The following EIPR1 variants were observed in gnomAD, a reference collection of about 807,000 sequenced individuals.
The protein encoded by EIPR1 is EARP and GARP complex-interacting protein 1.
In EIPR1, 25 loss-of-function variants were observed where a neutral mutation model predicts 48.1. That is an observed-to-expected ratio of 0.52 (90% CI 0.38 to 0.73). The LOEUF is 0.73. Among genes scored for constraint, EIPR1 ranks in the 30% least tolerant of loss-of-function variants. EIPR1 has a pLI of 0.00. For synonymous variants in EIPR1, 204 were observed against 201.9 expected (o/e 1.01, Z -0.09); for missense variants, 415 against 506.2 (o/e 0.82, Z 1.73).
At chr2:3,350,945 C>CAA (rs11344032) in intron 2 of EIPR1, among the ~76,000 whole-genome samples, 10,506 of 121,982 alleles carry the variant, frequency 0.086, 645 homozygotes, top group Admixed American at 0.21. Context: ...TACTTCGTTC[C>CAA]AAAAAAAAAA....
At chr2:3,377,023 A>G (rs1659906025) in intron 1 of EIPR1, among the ~76,000 whole-genome samples, 1 of 152,188 alleles carries the variant, frequency 6.6e-6, no homozygotes, top group Non-Finnish European at 1.5e-5. Flanking sequence ...CATTCGGTTC[A>G]TAGTCATTTG....
At chr2:3,240,727 C>G (rs191768985) in intron 4 of EIPR1, among the ~76,000 whole-genome samples, 47 of 139,428 alleles carry the variant, frequency 3.4e-4, no homozygotes, top group South Asian at 4.7e-4. Context: ...AAAGCAAAGC[C>G]AGCAGATCCC....
At chr2:3,252,865 T>A (rs1667044062) in intron 4 of EIPR1, among the ~76,000 whole-genome samples, 1 of 152,128 alleles carries the variant, frequency 6.6e-6, no homozygotes, top group South Asian at 2.1e-4. Context: ...GCAAATATAG[T>A]AAGGGACACA....
At chr2:3,217,939 T>A (rs975477779) in intron 4 of EIPR1, among the ~76,000 whole-genome samples, 25 of 152,180 alleles carry the variant, frequency 1.6e-4, no homozygotes, top group Admixed American at 1.3e-4. Context: ...TCATAAGCTA[T>A]GCTAAATACA....
intron 1 of EIPR1, among the ~76,000 whole-genome samples, chr2:3,372,301 C>G (rs1010674449): frequency 1.3e-5 from 2 of 150,986 alleles, no homozygotes; most frequent in Non-Finnish European, 2.9e-5. Context: ...AAATTGACAC[C>G]TAACATCACA....
At chr2:3,239,931 G>C (rs1169661273) in intron 4 of EIPR1, among the ~76,000 whole-genome samples, 1 of 152,178 alleles carries the variant, frequency 6.6e-6, no homozygotes, top group East Asian at 1.9e-4. Flanking sequence ...TGTGAAACTA[G>C]AACACTGGGC....
intron 4 of EIPR1, among the ~76,000 whole-genome samples, chr2:3,241,175 C>T (rs62119042): frequency 0.91 from 138,340 of 151,302 alleles, 63,733 homozygotes; most frequent in East Asian, 0.98. Context: ...TCAAGAACAG[C>T]GAGCAGGTCC....
At chr2:3,325,125 C>T (rs764734967) in intron 3 of EIPR1, among the ~76,000 whole-genome samples, 4 of 152,222 alleles carry the variant, frequency 2.6e-5, no homozygotes, top group Non-Finnish European at 5.9e-5. Context: ...GACAGAGCTA[C>T]AACTGGGCCC....
intron 4 of EIPR1, among the ~76,000 whole-genome samples, chr2:3,224,022 C>T (rs1665980798): frequency 6.6e-6 from 1 of 152,192 alleles, no homozygotes; most frequent in Non-Finnish European, 1.5e-5. Flanking sequence ...AAACAAAGCT[C>T]ACTGAATTGT....
chr2:3,277,488 C>T (rs1019377800), intron 3 of EIPR1, among the ~76,000 whole-genome samples: 1 of 152,344 alleles, frequency 6.6e-6, no homozygotes, highest in Admixed American at 6.5e-5. Context: ...CAAGACCATT[C>T]TGCAAACATT....
At chr2:3,309,957 T>C (rs912360141) in intron 3 of EIPR1, among the ~76,000 whole-genome samples, 5 of 152,086 alleles carry the variant, frequency 3.3e-5, no homozygotes, top group African/African-American at 9.7e-5. Flanking sequence ...GCTCTGGCAG[T>C]GCCCGTGTAC....
chr2:3,370,070 T>G (rs1671076112), intron 1 of EIPR1, among the ~76,000 whole-genome samples: 1 of 152,016 alleles, frequency 6.6e-6, no homozygotes, highest in Non-Finnish European at 1.5e-5. Flanking sequence ...ACAGCAACAT[T>G]CGCGGATCAC....
chr2:3,281,359 G>A (rs537872962), intron 3 of EIPR1, among the ~76,000 whole-genome samples: 4 of 152,094 alleles, frequency 2.6e-5, no homozygotes, highest in Non-Finnish European at 5.9e-5. Context: ...GGGCGAGTTA[G>A]TGAGCACTTC....
intron 3 of EIPR1, among the ~76,000 whole-genome samples, chr2:3,281,684 TC>T (rs1274060868): frequency 6.6e-6 from 1 of 152,226 alleles, no homozygotes; most frequent in Non-Finnish European, 1.5e-5. Flanking sequence ...GCATTGACAT[TC>T]ATTATGTTAC....
chr2:3,324,822 C>T (rs376278461), intron 3 of EIPR1, among the ~76,000 whole-genome samples: 3 of 149,084 alleles, frequency 2.0e-5, no homozygotes, highest in African/African-American at 4.9e-5. Context: ...TGGCCGCTGC[C>T]GCGCCTCCAG....
chr2:3,202,904 A>C (rs1421111279), intron 5 of EIPR1, among the ~76,000 whole-genome samples: 1 of 152,260 alleles, frequency 6.6e-6, no homozygotes, highest in Non-Finnish European at 1.5e-5. Context: ...GCAGCTGATC[A>C]ACAAGTATTT....
chr2:3,237,221 T>TACACACACACACAC lies in EIPR1; in HGVS notation c.416+20064_416+20077dup, dbSNP rs35498711. Among the ~76,000 whole-genome samples, 1,103 of 127,806 alleles carry TACACACACACACAC rather than the reference T, an allele frequency of 8.6e-3. 16 individuals are homozygous for TACACACACACACAC. Among genetic ancestry groups the TACACACACACACAC allele is most frequent in the East Asian group, 0.031 (112 of 3,646 alleles). 83.8% of individuals were successfully genotyped at this position (127,806 alleles called of 152,430 possible). On this transcript the variant is annotated intron_variant, in intron 4 of 8. Transcript: ENST00000382125. ...CAGGATTAAGCTGTATTTTGAAAAC[T>TACACACACACACAC]ACACACACACACACACACACACACA...
chr2:3,354,714 T>G (rs1670678975), intron 1 of EIPR1, 81 bp from the exon 2 acceptor site: 2 of 1,331,590 alleles, frequency 1.5e-6, no homozygotes, highest in Non-Finnish European at 2.1e-6. Context: ...AAAAAGGCAG[T>G]TTATCTCATC....
intron 2 of EIPR1, chr2:3,353,245 T>A (rs1012410791): frequency 6.4e-6 from 3 of 471,042 alleles, no homozygotes; most frequent in Non-Finnish European, 1.3e-5. Flanking sequence ...TTGGAACACA[T>A]CCCCTGTGAA....
Sources: gnomAD v4.1 joint callset for allele counts (sites outside exome capture counted in the v4.1 genomes callset) on GRCh38, gnomAD v4.1.1 for gene constraint, MANE v1.5 for transcripts, NCBI Gene and HGNC (gene_info 2026-07-23, HGNC 2026-07-21) for gene names.